Variants in FBRS observed in about 807,000 individuals in gnomAD.
FBRS encodes fibrosin.
A neutral mutation model predicts 86.1 loss-of-function variants in FBRS; 15 were observed. The ratio of observed to expected loss-of-function variants is 0.17; its 90% CI spans 0.12 to 0.27. The LOEUF is 0.27. FBRS is among the 10% of genes least tolerant of loss of function. The pLI is 1.00. For synonymous variants in FBRS, 666 were observed against 575.8 expected, an observed-to-expected ratio of 1.16 and a Z score of -2.24; for missense variants, 1,367 against 1,301.6, an observed-to-expected ratio of 1.05 and a Z score of -0.77.
At position 30,662,562 on chromosome 16, in the gene FBRS, C is replaced by T. The variant is rs565825338; in HGVS notation, c.758C>T (p.Ser253Leu). 245 of 1,543,970 alleles carry T rather than the reference C, an allele frequency of 1.6e-4. No homozygotes were observed. In the African/African-American group the frequency reaches 2.9e-3, roughly 18 times the overall value. ...TGTCTGCCATCCTGCCCCACAGCCTCGGGCCCCCACGGCGCCTTCAATGGG... is the reference window on the plus strand; with the variant it reads ...TGTCTGCCATCCTGCCCCACAGCCTTGGGCCCCCACGGCGCCTTCAATGGG... The part of the protein sequence containing the change: ...PSFTVSTSKA[S>L]GPHGAFNGNC... The change falls in exon 6 of 18, where the codon TCG becomes TTG. Residue 253 changes from serine to leucine, a missense_variant. Ser to Leu is a moderately radical substitution (Grantham distance 145). This residue lies in a region of FBRS where 702 missense variants were observed against 598.7 expected (regional missense o/e 1.17). Coordinates refer to ENST00000356166, the MANE Select transcript of FBRS (RefSeq NM_001105079.3).
At chr16:30,668,521 G>A (rs749379525) in intron 15 of FBRS, 39 bp from the exon 16 acceptor site, 3 of 1,581,136 alleles carry the variant, frequency 1.9e-6, no homozygotes, top group African/African-American at 1.3e-5. Context: ...CTCAGCACCG[G>A]CTGCCCAGTG....
intron 1 of FBRS, 72 bp downstream of exon 1, chr16:30,660,049 G>T: frequency 6.6e-7 from 1 of 1,503,802 alleles, no homozygotes; most frequent in East Asian, 2.6e-5. Context: ...TGCCCCTAGT[G>T]GGTGGAGTTG....
chr16:30,668,004 G>C (rs1370074213), intron 15 of FBRS: 1 of 237,816 alleles, frequency 4.2e-6, no homozygotes, highest in African/African-American at 2.2e-5. Flanking sequence ...GTTGAGCCTG[G>C]TGGCTTGGAG....
Position 30,659,707 on chromosome 16 carries a change from C to T in FBRS, c.189C>T (p.Pro63=), listed in dbSNP as rs992177803. Residue 63 remains proline, a synonymous_variant, in exon 1 of 18, where the codon CCC becomes CCT. Transcript: ENST00000356166. ...CGTCCTCGTCGTCGCCGCCGCCGCC[C>T]GCCAGGCCTTGGTCGTCAGCTTCGT... ...GSSSSSSPPP[P]ARPWSSASSG... 1.9e-6 allele frequency: 2 copies of T among 1,058,340 alleles called. No individual in the cohort carries two copies. Among genetic ancestry groups the T allele is most frequent in the African/African-American group, 1.7e-5 (1 of 59,358 alleles). The allele number at this position is 1,058,340 out of a possible 1,614,324, so 65.6% of individuals were successfully genotyped here.
At chr16:30,666,821 T>G in intron 12 of FBRS, 98 bp from the exon 13 acceptor site, 2 of 1,327,666 alleles carry the variant, frequency 1.5e-6, no homozygotes, top group Non-Finnish European at 2.1e-6. Context: ...AGTAGGGATA[T>G]TTTGTGGCGA....
At position 30,669,572 on chromosome 16, in the gene FBRS, C is replaced by T. The variant is rs768449128; in HGVS notation, c.2870C>T (p.Pro957Leu). The change falls in exon 18 of 18, where the codon CCA (proline) becomes CTA (leucine). Residue 957 changes from proline to leucine, a missense_variant. Around this residue, in one of 3 missense-constraint regions of FBRS, gnomAD observed 659 missense variants for 678.8 expected, o/e 0.97. Transcript: ENST00000356166. This position sits in a 1 kb window ranked among gnomAD's most constrained non-coding sequence, Gnocchi z 5.9. ...KTPPGALLGA[P>L]PPLVPAPRPS... The stretch of plus-strand genomic sequence containing the variant: ...CCACCGGGAGCCCTTTTGGGGGCAC[C>T]ACCTCCGCTTGTGCCCGCCCCCCGG... The T allele has an allele frequency of 6.2e-7, 1 of 1,612,444 alleles. No individual in the cohort carries two copies. The highest frequency in any genetic ancestry group is 1.3e-5 in the African/African-American group (1 of 75,064).
chr16:30,668,054 G>A (rs1027808346), intron 15 of FBRS: 1 of 201,720 alleles, frequency 5.0e-6, no homozygotes, highest in Non-Finnish European at 9.9e-6. Flanking sequence ...CATTCCAGTG[G>A]CGGGATAGGT....
intron 15 of FBRS, chr16:30,668,223 G>T: frequency 3.3e-6 from 1 of 304,210 alleles, no homozygotes; most frequent in Non-Finnish European, 6.1e-6. Flanking sequence ...GGGGAGTTGG[G>T]GAGAAGAGCG....
At chr16:30,666,354 G>A in intron 11 of FBRS, 158 bp from the exon 12 acceptor site, 1 of 833,374 alleles carries the variant, frequency 1.2e-6, no homozygotes, top group Non-Finnish European at 1.9e-6. Context: ...CCTAGACTGG[G>A]AGAGATGGGG....
intron 5 of FBRS, 30 bp from the exon 6 acceptor site, chr16:30,662,529 A>T: frequency 6.5e-7 from 1 of 1,549,912 alleles, no homozygotes; most frequent in East Asian, 2.4e-5. Flanking sequence ...ATGAGCCTCA[A>T]CTGAGCATGT....
At chr16:30,660,777 C>T (rs898121069) in intron 2 of FBRS, among the ~76,000 whole-genome samples, 1 of 152,154 alleles carries the variant, frequency 6.6e-6, no homozygotes, top group Non-Finnish European at 1.5e-5. Context: ...CAAGCAAACA[C>T]CTAGACCTTA....
rs2052416377 is a variant in FBRS, at chr16:30,658,816, C to T, written c.-703C>T. On this transcript the variant is annotated 5_prime_UTR_variant, in exon 1 of 18. Transcript: ENST00000356166. ...CACTGAACTCGGCGGACTGCAACGC[C>T]AGCCTTAAAGGGGAAGCCGCCGAGC... 6.6e-6 allele frequency: 1 copy of T among 152,134 alleles called. No homozygotes were observed. Among genetic ancestry groups the T allele is most frequent in the Admixed American group, 6.5e-5 (1 of 15,280 alleles). 9.4% of individuals were successfully genotyped at this position (152,134 alleles called of 1,614,324 possible). A position where few individuals can be genotyped will look rare whatever the true frequency, so the allele number is the denominator to read the frequency against.
chr16:30,669,400 G>T lies in FBRS; in HGVS notation c.2698G>T (p.Ala900Ser). The change falls in exon 18 of 18, where the codon GCG (alanine) becomes TCG (serine). Residue 900 changes from alanine to serine, a missense_variant. By Grantham distance (99) the Ala-to-Ser change is moderately conservative. Around this residue, in one of 3 missense-constraint regions of FBRS, gnomAD observed 659 missense variants for 678.8 expected, o/e 0.97. Coordinates refer to ENST00000356166, the MANE Select transcript of FBRS (RefSeq NM_001105079.3). The surrounding 1 kb of genome is among the most constrained non-coding windows in gnomAD (Gnocchi z 5.9). The stretch of plus-strand genomic sequence containing the variant: ...GGCAAGGCCACCCCGCTTCTATGAG[G>T]CGGGTGAGGAGCTAACTGGACCCGG... ...RLARPPRFYE[A>S]GEELTGPGAV... 3 of 1,612,816 alleles carry T rather than the reference G, an allele frequency of 1.9e-6. No homozygotes were observed. Among genetic ancestry groups the T allele is most frequent in the Non-Finnish European group, 2.5e-6 (3 of 1,179,784 alleles).
At position 30,670,423 on chromosome 16, in the gene FBRS, A is replaced by G; in HGVS notation, c.*778A>G. The stretch of plus-strand genomic sequence containing the variant: ...ACTCTGCCCCCACCCCCAAAGGCTC[A>G]GCCTCTAAATCTCAGACTCCACCAC... On this transcript the variant is annotated 3_prime_UTR_variant, in exon 18 of 18. Coordinates refer to ENST00000356166, the MANE Select transcript of FBRS (RefSeq NM_001105079.3). 2.8e-6 allele frequency: 1 copy of G among 353,446 alleles called. No homozygotes were observed. The highest frequency in any genetic ancestry group is 8.0e-5 in the East Asian group (1 of 12,556). The allele number at this position is 353,446 out of a possible 1,614,324, so 21.9% of individuals were successfully genotyped here.
intron 2 of FBRS, 74 bp downstream of exon 2, chr16:30,660,516 GCC>G (rs2052446420): frequency 9.5e-6 from 12 of 1,256,822 alleles, no homozygotes; most frequent in Non-Finnish European, 1.2e-5. Flanking sequence ...CAACGCCACT[GCC>G]CCTTGTAAAC....
At chr16:30,663,311 AG>A (rs1344463503) in intron 6 of FBRS, among the ~76,000 whole-genome samples, 1 of 152,182 alleles carries the variant, frequency 6.6e-6, no homozygotes, top group Non-Finnish European at 1.5e-5. Context: ...TTCATCTTAA[AG>A]CTGTTGTGAG....
At position 30,659,835 on chromosome 16, in the gene FBRS, G is replaced by C; in HGVS notation, c.317G>C (p.Gly106Ala). The C allele has an allele frequency of 6.5e-7, 1 of 1,528,200 alleles. No homozygotes were observed. Among genetic ancestry groups the C allele is most frequent in the Non-Finnish European group, 8.8e-7 (1 of 1,141,208 alleles). 94.7% of individuals were successfully genotyped at this position (1,528,200 alleles called of 1,614,324 possible). A position where few individuals can be genotyped will look rare whatever the true frequency, so the allele number is the denominator to read the frequency against. ...CGGCCTGCCGGCTCGGGCAGCCGCG[G>C]GGAGGAAGAGGAGGAGGAGGAGGAG... ...RKRPAGSGSR[G>A]EEEEEEEEEG... The change falls in exon 1 of 18, where the codon GGG (glycine) becomes GCG (alanine). Residue 106 changes from glycine to alanine, a missense_variant. Gly to Ala is a moderately conservative substitution (Grantham distance 60). This residue lies in a region of FBRS where 702 missense variants were observed against 598.7 expected (regional missense o/e 1.17). Transcript: ENST00000356166.
chr16:30,664,159 C>T (rs2052492135), intron 6 of FBRS, 56 bp from the exon 7 acceptor site: 2 of 1,288,324 alleles, frequency 1.6e-6, no homozygotes, highest in Middle Eastern at 2.9e-4. Context: ...CTGACCCCCT[C>T]CCGTCAGAGC....
At chr16:30,667,700 G>T in intron 15 of FBRS, 78 bp downstream of exon 15, 1 of 1,314,286 alleles carries the variant, frequency 7.6e-7, no homozygotes, top group Non-Finnish European at 1.0e-6. Flanking sequence ...CCAGCAGGCA[G>T]CTGGAATGCA....
Sources: gnomAD v4.1 joint callset for allele counts (sites outside exome capture counted in the v4.1 genomes callset) on GRCh38, gnomAD v4.1.1 for gene constraint, gnomAD v4.1.1 regional missense constraint, Gnocchi (gnomAD v3.1) non-coding constraint, MANE v1.5 for transcripts, NCBI Gene and HGNC (gene_info 2026-07-23, HGNC 2026-07-21) for gene names.